ZFAND6: variants seen among roughly 807,000 people sequenced by gnomAD.
The protein encoded by ZFAND6 is AN1-type zinc finger protein 6.
ZFAND6 carries 12 observed loss-of-function variants against 24.5 expected under a neutral mutation model. The observed-to-expected ratio is 0.49, with a 90% confidence interval of 0.31 to 0.79. ZFAND6 has a LOEUF of 0.79. Ranked by LOEUF, ZFAND6 falls within the 30% of genes least tolerant of loss-of-function variation. The pLI is 0.04. For synonymous variants in ZFAND6, 92 were observed against 81.5 expected (o/e 1.13, Z -0.69); for missense variants, 207 against 245.9 (o/e 0.84, Z 1.06).
At chr15:80,080,765 A>G (rs866382919) in intron 1 of ZFAND6, among the ~76,000 whole-genome samples, 1 of 152,234 alleles carries the variant, frequency 6.6e-6, no homozygotes, top group South Asian at 2.1e-4. Context: ...CAGGAAGCTT[A>G]CAATCACTGC....
intron 5 of ZFAND6, chr15:80,130,241 G>C (rs568198099): frequency 2.7e-4 from 41 of 152,292 alleles, no homozygotes; most frequent in African/African-American, 8.9e-4. Flanking sequence ...GACAAGGAAA[G>C]GGTATTTGAC....
chr15:80,061,135 C>T (rs2036310867), intron 1 of ZFAND6, among the ~76,000 whole-genome samples: 1 of 152,170 alleles, frequency 6.6e-6, no homozygotes, highest in Non-Finnish European at 1.5e-5. Context: ...GCAAAATATG[C>T]ACGTTTAGCT....
intron 1 of ZFAND6, among the ~76,000 whole-genome samples, chr15:80,080,626 A>G (rs2037607354): frequency 6.6e-6 from 1 of 152,236 alleles, no homozygotes; most frequent in Admixed American, 6.5e-5. Flanking sequence ...TGGATGTGTT[A>G]GGTCATTCTT....
chr15:80,077,697 CTTTTTTT>C (rs11441423), intron 1 of ZFAND6, among the ~76,000 whole-genome samples: 11 of 115,308 alleles, frequency 9.5e-5, no homozygotes, highest in Admixed American at 9.0e-4. Flanking sequence ...AGTTTTCTTT[CTTTTTTT>C]TTTTTTTTTT....
At chr15:80,104,211 T>C (rs558342931) in intron 2 of ZFAND6, among the ~76,000 whole-genome samples, 1 of 152,208 alleles carries the variant, frequency 6.6e-6, no homozygotes, top group Non-Finnish European at 1.5e-5. Context: ...CATGAGACTA[T>C]TGATTTATAT....
At chr15:80,118,016 T>TGTG (rs1555434595) in intron 2 of ZFAND6, among the ~76,000 whole-genome samples, 1 of 150,304 alleles carries the variant, frequency 6.7e-6, no homozygotes, top group Admixed American at 6.6e-5. Context: ...AGGTATTGAA[T>TGTG]TGTGTGTGTG....
chr15:80,072,207 A>G (rs1163778143), intron 1 of ZFAND6, among the ~76,000 whole-genome samples: 1 of 152,140 alleles, frequency 6.6e-6, no homozygotes, highest in Non-Finnish European at 1.5e-5. Flanking sequence ...CTGTCTTTAA[A>G]GCATAACTTC....
chr15:80,137,783 A>AGT lies in ZFAND6; in HGVS notation c.*155_*156insGT. On this transcript the variant is annotated 3_prime_UTR_variant, in exon 7 of 7. Coordinates refer to ENST00000261749, the MANE Select transcript of ZFAND6 (RefSeq NM_019006.4). ...TGGTTTTGTTTTGAAAATGACTCTG[A>AGT]ACATTTATTTCCATTGCAATTTCTG... 1.4e-6 allele frequency: 1 copy of AGT among 713,098 alleles called. No individual in the cohort carries two copies. Among genetic ancestry groups the AGT allele is most frequent in the Non-Finnish European group, 2.1e-6 (1 of 481,898 alleles). 44.2% of individuals were successfully genotyped at this position (713,098 alleles called of 1,614,324 possible).
chr15:80,098,313 C>T lies in ZFAND6; in HGVS notation c.-180-103C>T, dbSNP rs2038849897. ...ACTTTTTCTTCAGCCACCCTTTTAACCTAGCTATAATAGCGAAAGCACTCC... is the reference window on the plus strand; with the variant it reads ...ACTTTTTCTTCAGCCACCCTTTTAATCTAGCTATAATAGCGAAAGCACTCC... On this transcript the variant is annotated intron_variant, in intron 1 of 6. Coordinates refer to ENST00000261749, the MANE Select transcript of ZFAND6 (RefSeq NM_019006.4). 2 of 152,112 alleles carry T rather than the reference C, an allele frequency of 1.3e-5. 1 individual carries two copies. The highest frequency in any genetic ancestry group is 4.1e-4 in the South Asian group (2 of 4,830). 9.4% of individuals were successfully genotyped at this position (152,112 alleles called of 1,614,324 possible).
chr15:80,063,670 T>G (rs1312094895), intron 1 of ZFAND6, among the ~76,000 whole-genome samples: 1 of 151,284 alleles, frequency 6.6e-6, no homozygotes, highest in Admixed American at 6.6e-5. Context: ...TGCCTCAGCC[T>G]CTCCCCAGTA....
chr15:80,122,695 T>G lies in ZFAND6; in HGVS notation c.264-5T>G, dbSNP rs2040198977. 6.2e-7 allele frequency: 1 copy of G among 1,611,232 alleles called. No individual in the cohort carries two copies. The highest frequency in any genetic ancestry group is 1.7e-5 in the Admixed American group (1 of 59,930). On this transcript the variant is annotated splice_region_variant and splice_polypyrimidine_tract_variant and intron_variant, in intron 4 of 6. Transcript: ENST00000261749. ...CTTTTAAAATGAAATATTTTGCTTTTCTAGCCCTGTATCAAATCAGTCACT... is the reference window on the plus strand; with the variant it reads ...CTTTTAAAATGAAATATTTTGCTTTGCTAGCCCTGTATCAAATCAGTCACT...
intron 1 of ZFAND6, among the ~76,000 whole-genome samples, chr15:80,097,673 A>ATAC (rs1555431378): frequency 9.3e-5 from 14 of 150,520 alleles, no homozygotes; most frequent in Non-Finnish European, 7.4e-5. Context: ...TAAATAAATA[A>ATAC]ATACATACAT....
chr15:80,063,948 A>C (rs1464920213), intron 1 of ZFAND6, among the ~76,000 whole-genome samples: 1 of 152,300 alleles, frequency 6.6e-6, no homozygotes, highest in East Asian at 1.9e-4. Context: ...TTGGCCTCCC[A>C]AAGTGCTGGG....
At chr15:80,077,825 A>G (rs1470061676) in intron 1 of ZFAND6, among the ~76,000 whole-genome samples, 1 of 147,686 alleles carries the variant, frequency 6.8e-6, no homozygotes, top group Non-Finnish European at 1.5e-5. Flanking sequence ...TCAGCCTCCC[A>G]AGGAGCTGGG....
intron 1 of ZFAND6, among the ~76,000 whole-genome samples, chr15:80,090,366 T>G (rs1315645943): frequency 1.3e-5 from 2 of 152,222 alleles, no homozygotes; most frequent in Non-Finnish European, 1.5e-5. Flanking sequence ...GTTCAAATCC[T>G]TGCTTTACTG....
intron 2 of ZFAND6, among the ~76,000 whole-genome samples, chr15:80,118,191 G>A (rs1237556991): frequency 2.0e-5 from 3 of 151,934 alleles, no homozygotes; most frequent in Non-Finnish European, 2.9e-5. Flanking sequence ...GTGCGATCCC[G>A]GCTCACTGCA....
chr15:80,068,192 G>C (rs972716112), intron 1 of ZFAND6, among the ~76,000 whole-genome samples: 16 of 151,268 alleles, frequency 1.1e-4, no homozygotes, highest in Non-Finnish European at 2.1e-4. Context: ...TTGTCGCCCA[G>C]GATGGAGTGC....
chr15:80,099,172 A>G (rs1324223333), intron 2 of ZFAND6, among the ~76,000 whole-genome samples: 7 of 152,148 alleles, frequency 4.6e-5, no homozygotes, highest in Admixed American at 4.6e-4. Context: ...AGAAATGCCT[A>G]TGGAAGAAAA....
rs538424126 is a variant in ZFAND6, at chr15:80,137,951, C to T, written c.*323C>T. On this transcript the variant is annotated 3_prime_UTR_variant, in exon 7 of 7. Transcript: ENST00000261749. ...CAGTATTAAACATGCATGCATTAAT[C>T]TTGCAGTTTATTTTCTCATTGTGTA... 26 of 198,588 alleles carry T rather than the reference C, an allele frequency of 1.3e-4. No homozygotes were observed. The South Asian group carries it at 2.8e-3, about 22-fold the overall frequency. 12.3% of individuals were successfully genotyped at this position (198,588 alleles called of 1,614,324 possible).
Sources: allele counts gnomAD v4.1 joint callset (sites outside exome capture counted in the v4.1 genomes callset), GRCh38; gene constraint gnomAD v4.1.1; transcripts MANE v1.5; gene names NCBI Gene and HGNC (gene_info 2026-07-23, HGNC 2026-07-21).